The following GSDMC variants were observed in gnomAD, a reference collection of about 807,000 sequenced individuals.
GSDMC encodes gasdermin C, also known as gasdermin-C.
GSDMC carries 59 observed loss-of-function variants against 58.0 expected under a neutral mutation model. That is an observed-to-expected ratio of 1.02 (90% CI 0.82 to 1.26). The LOEUF is 1.26. Among genes scored for constraint, GSDMC ranks in the 50% most tolerant of loss-of-function variants. The probability of loss-of-function intolerance (pLI) is 0.00; values close to 1 mark genes in which losing one functional copy is unlikely to be tolerated. For synonymous variants in GSDMC, 241 were observed against 220.2 expected, an observed-to-expected ratio of 1.09 and a Z score of -0.83; for missense variants, 659 against 598.5, an observed-to-expected ratio of 1.10 and a Z score of -1.06.
the GSDMC span, among the ~76,000 whole-genome samples, chr8:129,718,028 T>G: frequency 6.6e-6 from 1 of 152,160 alleles, no homozygotes; most frequent in Admixed American, 6.6e-5. Context: ...TCACTCAAGA[T>G]AGATTCAAAA....
chr8:129,768,260 C>A (rs1208734957), intron 3 of GSDMC, among the ~76,000 whole-genome samples: 3 of 152,194 alleles, frequency 2.0e-5, no homozygotes, highest in Non-Finnish European at 4.4e-5. Flanking sequence ...TGATATGAAC[C>A]TGTTAAGGCT....
the GSDMC span, among the ~76,000 whole-genome samples, chr8:129,741,363 T>G: frequency 6.6e-6 from 1 of 152,304 alleles, no homozygotes; most frequent in South Asian, 2.1e-4. Flanking sequence ...GGGGGTTTTT[T>G]TCTATTTCTG....
intron 11 of GSDMC, 76 bp from the exon 12 acceptor site, chr8:129,750,195 T>C (rs1168239262): frequency 1.6e-6 from 2 of 1,253,928 alleles, no homozygotes; most frequent in Non-Finnish European, 2.2e-6. Context: ...TGTCTACTGG[T>C]GATAACCAAG....
intron 3 of GSDMC, among the ~76,000 whole-genome samples, chr8:129,774,507 T>A (rs1490736682): frequency 6.8e-6 from 1 of 146,530 alleles, no homozygotes; most frequent in Non-Finnish European, 1.5e-5. Flanking sequence ...TTGTTTGATA[T>A]GACACCAAAA....
At chr8:129,718,336 C>A in the GSDMC span, among the ~76,000 whole-genome samples, 1 of 151,998 alleles carries the variant, frequency 6.6e-6, no homozygotes, top group Non-Finnish European at 1.5e-5. Flanking sequence ...AAGAAAAAAA[C>A]AAACAACCCC....
chr8:129,722,356 G>A, the GSDMC span, among the ~76,000 whole-genome samples: 11 of 152,252 alleles, frequency 7.2e-5, no homozygotes, highest in Admixed American at 5.2e-4. Flanking sequence ...TTTATTTCTG[G>A]TAGCCCAACT....
the GSDMC span, among the ~76,000 whole-genome samples, chr8:129,741,357 GT>G: frequency 6.6e-6 from 1 of 151,754 alleles, no homozygotes; most frequent in East Asian, 1.9e-4. Context: ...GAATTTGGGG[GT>G]TTTTTTCTAT....
At chr8:129,729,196 AT>A in the GSDMC span, 1 of 655,322 alleles carries the variant, frequency 1.5e-6, no homozygotes, top group Non-Finnish European at 2.9e-6. Context: ...AATAAGCTGC[AT>A]TTAAAAGATG....
chr8:129,751,793 A>T, intron 9 of GSDMC, 69 bp downstream of exon 9: 1 of 1,488,156 alleles, frequency 6.7e-7, no homozygotes, highest in Non-Finnish European at 9.4e-7. Flanking sequence ...GGCAGGGGCA[A>T]TCTGCCCTAC....
At chr8:129,720,016 G>A in the GSDMC span, among the ~76,000 whole-genome samples, 2 of 152,204 alleles carry the variant, frequency 1.3e-5, no homozygotes, top group South Asian at 4.2e-4. Flanking sequence ...CCATAAATGG[G>A]AACAATATCT....
chr8:129,755,529 A>G (rs143459239), intron 6 of GSDMC, among the ~76,000 whole-genome samples: 33 of 152,296 alleles, frequency 2.2e-4, no homozygotes, highest in African/African-American at 7.7e-4. Flanking sequence ...TCATCTAAAG[A>G]TACAAAACTC....
At position 129,752,091 on chromosome 8, in the gene GSDMC, C is replaced by A; in HGVS notation, c.886+15G>T. 4 of 1,608,502 alleles carry A rather than the reference C, an allele frequency of 2.5e-6. No individual in the cohort carries two copies. In the South Asian group the frequency reaches 4.4e-5, roughly 18 times the overall value. On this transcript the variant is annotated intron_variant, in intron 8 of 13. Coordinates refer to ENST00000276708, the MANE Select transcript of GSDMC (RefSeq NM_031415.3). The stretch of plus-strand genomic sequence containing the variant: ...TGCAGATTGTCCTGGAAGGGGAGGG[C>A]CAGATTCCACTCACTTGGCAAATGC...
chr8:129,750,216 G>A (rs777373509), intron 11 of GSDMC, 97 bp from the exon 12 acceptor site: 2 of 1,110,470 alleles, frequency 1.8e-6, no homozygotes, highest in Non-Finnish European at 2.5e-6. Context: ...GGGTAGGCAT[G>A]AGGGTTCTCT....
At chr8:129,741,625 T>A in the GSDMC span, among the ~76,000 whole-genome samples, 1 of 151,946 alleles carries the variant, frequency 6.6e-6, no homozygotes, top group East Asian at 1.9e-4. Flanking sequence ...AGCAGATAAA[T>A]GAAAGATAAG....
intron 4 of GSDMC, 130 bp from the exon 5 acceptor site, chr8:129,762,861 T>C (rs2033720616): frequency 1.7e-6 from 1 of 597,814 alleles, no homozygotes. Context: ...ACTTCTGATT[T>C]CCAATCACTG....
At chr8:129,750,702 CT>C in intron 10 of GSDMC, 132 bp from the exon 11 acceptor site, 1 of 820,476 alleles carries the variant, frequency 1.2e-6, no homozygotes, top group Non-Finnish European at 2.0e-6. Context: ...CCAAAATTGT[CT>C]CTGCTAATGG....
chr8:129,752,708 C>A lies in GSDMC; in HGVS notation c.834G>T (p.Lys278Asn), dbSNP rs1425647326. 1 of 1,614,062 alleles carries A rather than the reference C, an allele frequency of 6.2e-7. No homozygotes were observed. Among genetic ancestry groups the A allele is most frequent in the African/African-American group, 1.3e-5 (1 of 74,936 alleles). The change falls in exon 7 of 14, where the codon AAG (lysine) becomes AAT (asparagine). Residue 278 changes from lysine (K) to asparagine (N), a missense_variant. Physicochemically the swap from Lys to Asn is moderately conservative, Grantham distance 94. Coordinates refer to ENST00000276708, the MANE Select transcript of GSDMC (RefSeq NM_031415.3). ...TLFNASSNDM[K>N]LKPELFLTQQ... The stretch of plus-strand genomic sequence containing the variant: ...GAGCAATCACAGTACCTGGTTTTAA[C>A]TTCATATCATTGGATGAGGCATTGA...
At chr8:129,727,246 C>A in the GSDMC span, among the ~76,000 whole-genome samples, 1 of 152,070 alleles carries the variant, frequency 6.6e-6, no homozygotes, top group Non-Finnish European at 1.5e-5. Context: ...TAAGAAAAGA[C>A]AATTTTTTTT....
chr8:129,758,452 T>A (rs974235218), intron 6 of GSDMC, among the ~76,000 whole-genome samples: 1 of 152,168 alleles, frequency 6.6e-6, no homozygotes, highest in Non-Finnish European at 1.5e-5. Context: ...TGATATGATC[T>A]TATATTTGGA....
Sources: gnomAD v4.1 joint callset for allele counts (sites outside exome capture counted in the v4.1 genomes callset) on GRCh38, gnomAD v4.1.1 for gene constraint, MANE v1.5 for transcripts, NCBI Gene and HGNC (gene_info 2026-07-23, HGNC 2026-07-21) for gene names.